Variants in TRAFD1 observed in about 807,000 individuals in gnomAD.
The protein encoded by TRAFD1 is TRAF-type zinc finger domain containing 1, also known as TRAF-type zinc finger domain-containing protein 1.
In TRAFD1, 38 loss-of-function variants were observed where a neutral mutation model predicts 65.3. That is an observed-to-expected ratio of 0.58 (90% CI 0.45 to 0.76). TRAFD1 has a LOEUF of 0.76. TRAFD1 is among the 30% of genes least tolerant of loss of function. The pLI is 0.00. For missense variants in TRAFD1, 631 were observed against 712.6 expected, an observed-to-expected ratio of 0.89 and a Z score of 1.30; for synonymous variants, 223 against 257.2, an observed-to-expected ratio of 0.87 and a Z score of 1.27.
At position 112,127,704 on chromosome 12, in the gene TRAFD1, C is replaced by T. The variant is rs145199282; in HGVS notation, c.-13+2086C>T. ...TTTTTGAGAGGGAGTCTCGCTCTGT[C>T]GCCCAGGCTGGAGTGCAGTGGCGTG... is the stretch of plus-strand genomic sequence containing the variant. On this transcript the variant is annotated intron_variant, in intron 1 of 11. Coordinates refer to ENST00000412615, the MANE Select transcript of TRAFD1 (RefSeq NM_006700.3). 9.7e-3 allele frequency among the ~76,000 whole-genome samples: 1,470 copies of T among 151,554 alleles called. 9 individuals are homozygous for T. Among genetic ancestry groups the T allele is most frequent in the Non-Finnish European group, 0.012 (846 of 67,936 alleles).
rs2030070987 is a variant in TRAFD1 at position 112,140,991 on chromosome 12, G to A, written c.410G>A (p.Arg137Lys). ...DLKTHPEVCGREGEEKRNEVA... is the reference protein window; with the variant it reads ...DLKTHPEVCGKEGEEKRNEVA... ...AAGACTCACCCTGAAGTTTGTGGGA[G>A]AGAGGGGGAGGAAAAGAGAAATGAG... The change falls in exon 5 of 12, where the codon AGA becomes AAA. Residue 137 changes from arginine (R) to lysine (K), a missense_variant. Coordinates refer to ENST00000412615, the MANE Select transcript of TRAFD1 (RefSeq NM_006700.3). 15 of 1,614,210 alleles carry A rather than the reference G, an allele frequency of 9.3e-6. No individual in the cohort carries two copies. The East Asian group carries it at 3.1e-4, about 34-fold the overall frequency.
chr12:112,148,235 G>A lies in TRAFD1; in HGVS notation c.1089G>A (p.Glu363=). 2 of 1,614,194 alleles carry A rather than the reference G, an allele frequency of 1.2e-6. No individual in the cohort carries two copies. Among genetic ancestry groups the A allele is most frequent in the Non-Finnish European group, 1.7e-6 (2 of 1,180,036 alleles). Residue 363 remains glutamate, a synonymous_variant, in exon 8 of 12, where the codon GAG becomes GAA. Coordinates refer to ENST00000412615, the MANE Select transcript of TRAFD1 (RefSeq NM_006700.3). ...GCCTGAGCAATTCACACCCTGTGGA[G>A]GAGAGCATCATTATCCCATGTGAAT... ...LMGLSNSHPV[E]ESIIIPCEFC... is the part of the protein sequence containing the mutation.
chr12:112,131,024 T>C (rs1296140575), intron 2 of TRAFD1, among the ~76,000 whole-genome samples: 1 of 152,244 alleles, frequency 6.6e-6, no homozygotes, highest in Admixed American at 6.5e-5. Context: ...ATTTTTGTCA[T>C]CATCGTTGTC....
intron 2 of TRAFD1, chr12:112,133,079 A>G (rs1229747411): frequency 2.0e-5 from 3 of 152,240 alleles, no homozygotes; most frequent in African/African-American, 7.2e-5. Context: ...TAATCTTTTC[A>G]TGTTTAAATG....
chr12:112,129,005 T>C, intron 1 of TRAFD1, among the ~76,000 whole-genome samples: 1 of 129,314 alleles, frequency 7.7e-6, no homozygotes. Context: ...CACTCCAGCC[T>C]AGACAGCAGA....
At chr12:112,134,682 G>A in intron 2 of TRAFD1, 56 bp from the exon 3 acceptor site, 1 of 1,579,624 alleles carries the variant, frequency 6.3e-7, no homozygotes, top group Non-Finnish European at 8.6e-7. Context: ...CACTGTGCAA[G>A]AAAAGGCATA....
At chr12:112,138,502 A>T (rs1032797032) in intron 4 of TRAFD1, among the ~76,000 whole-genome samples, 1 of 151,728 alleles carries the variant, frequency 6.6e-6, no homozygotes, top group Non-Finnish European at 1.5e-5. Context: ...GTGAGCCAAG[A>T]TCACACCACT....
chr12:112,145,338 AACT>A (rs779953701), intron 6 of TRAFD1, among the ~76,000 whole-genome samples: 16 of 152,176 alleles, frequency 1.1e-4, no homozygotes, highest in Non-Finnish European at 1.8e-4. Context: ...GTAGCAGGTA[AACT>A]ACTGCTATAC....
At chr12:112,139,245 G>C (rs1309409182) in intron 4 of TRAFD1, among the ~76,000 whole-genome samples, 1 of 151,956 alleles carries the variant, frequency 6.6e-6, no homozygotes, top group Non-Finnish European at 1.5e-5. Flanking sequence ...AGCTACTTGG[G>C]AGGCTGAGGT....
chr12:112,141,076 A>C lies in TRAFD1; in HGVS notation c.495A>C (p.Ala165=). The C allele has an allele frequency of 6.2e-7, 1 of 1,614,176 alleles. No individual in the cohort carries two copies. Among genetic ancestry groups the C allele is most frequent in the Non-Finnish European group, 8.5e-7 (1 of 1,180,014 alleles). Residue 165 remains alanine (A), a synonymous_variant, in exon 5 of 12, where the codon GCA becomes GCC. Transcript: ENST00000412615. ...ESWGQDGIWI[A]SQLLRQIEAL... ...GGGGTCAGGATGGAATCTGGATTGC[A>C]TCCCAACTCCTCAGACAAATTGAGG... is the stretch of plus-strand genomic sequence containing the variant.
chr12:112,152,573 G>A lies in TRAFD1; in HGVS notation c.1692+74G>A. On this transcript the variant is annotated intron_variant, in intron 11 of 11. Transcript: ENST00000412615. The surrounding 1 kb of genome is among the most constrained non-coding windows in gnomAD (Gnocchi z 5.0). ...TGGGGCTTGTGTGGCTCCTGAAGTTGTAGAAGTTGTTGGGACCAGGCTGGT... is the reference window on the plus strand; with the variant it reads ...TGGGGCTTGTGTGGCTCCTGAAGTTATAGAAGTTGTTGGGACCAGGCTGGT... The A allele has an allele frequency of 6.2e-7, 1 of 1,601,940 alleles. No homozygotes were observed. The highest frequency in any genetic ancestry group is 1.7e-5 in the Admixed American group (1 of 59,094).
Position 112,149,747 on chromosome 12 carries a change from T to C in TRAFD1, c.1159-4T>C, listed in dbSNP as rs2030349303. ...AGGTACTAATTCTGGTTTTTCTTGT[T>C]TAGGACCAGTGTGACCAACGCCCAG... On this transcript the variant is annotated splice_polypyrimidine_tract_variant and splice_region_variant and intron_variant, in intron 8 of 11. Transcript: ENST00000412615. 6.2e-7 allele frequency: 1 copy of C among 1,613,900 alleles called. No individual in the cohort carries two copies. The highest frequency in any genetic ancestry group is 1.3e-5 in the African/African-American group (1 of 74,908).
At chr12:112,144,935 C>T (rs898156651) in intron 6 of TRAFD1, among the ~76,000 whole-genome samples, 1 of 152,136 alleles carries the variant, frequency 6.6e-6, no homozygotes, top group Non-Finnish European at 1.5e-5. Context: ...GACTGTGACC[C>T]CAAACCTATG....
At chr12:112,149,973 C>G (rs1448161753) in intron 9 of TRAFD1, 102 bp downstream of exon 9, 1 of 1,500,720 alleles carries the variant, frequency 6.7e-7, no homozygotes, top group Non-Finnish European at 9.0e-7. Flanking sequence ...TTACCTGCAT[C>G]TCAAATTTCC....
In TRAFD1 at chr12:112,130,474, GA is replaced by G; in HGVS notation, c.-12-34del. The G allele has an allele frequency of 6.4e-7, 1 of 1,553,076 alleles. No homozygotes were observed. Among genetic ancestry groups the G allele is most frequent in the South Asian group, 1.1e-5 (1 of 87,902 alleles). On this transcript the variant is annotated intron_variant, in intron 1 of 11. Coordinates refer to ENST00000412615, the MANE Select transcript of TRAFD1 (RefSeq NM_006700.3). This position sits in a 1 kb window ranked among gnomAD's most constrained non-coding sequence, Gnocchi z 4.4. The stretch of plus-strand genomic sequence containing the variant: ...TGCATGTCATCTTTAAAGCAGAAAT[GA>G]AAGAGAAAGTTCATGTCTTCCTTTG...
intron 9 of TRAFD1, 140 bp downstream of exon 9, chr12:112,150,011 C>T (rs549488123): frequency 8.2e-6 from 10 of 1,224,576 alleles, no homozygotes; most frequent in African/African-American, 1.5e-5. Context: ...ATAGGGGACT[C>T]CTCTGCAGGT....
chr12:112,127,501 C>T lies in TRAFD1; in HGVS notation c.-13+1883C>T, dbSNP rs139535549. On this transcript the variant is annotated intron_variant, in intron 1 of 11. Coordinates refer to ENST00000412615, the MANE Select transcript of TRAFD1 (RefSeq NM_006700.3). ...TTGAGACAGGGTCTCACTCTGTCAC[C>T]CCGGCTGGAGTGCAGTGGTGTGATC... Among the ~76,000 whole-genome samples, 4 of 152,132 alleles carry T rather than the reference C, an allele frequency of 2.6e-5. No individual in the cohort carries two copies. The East Asian group carries it at 7.7e-4, about 29-fold the overall frequency.
rs757196413 is a variant in TRAFD1, at chr12:112,152,781, A to C, written c.1739A>C (p.Glu580Ala). The C allele has an allele frequency of 6.2e-7, 1 of 1,614,174 alleles. No individual in the cohort carries two copies. The highest frequency in any genetic ancestry group is 1.7e-5 in the Admixed American group (1 of 60,024). Residue 580 changes from glutamate (E) to alanine (A), a missense_variant, in exon 12 of 12, where the codon GAG becomes GCG. Coordinates refer to ENST00000412615, the MANE Select transcript of TRAFD1 (RefSeq NM_006700.3). The surrounding 1 kb of genome is among the most constrained non-coding windows in gnomAD (Gnocchi z 5.0). ...GGAGCTGGGGATGCAGAAGAGGAAGAGGAGGAGTAATGGTGTCTCCAGAGA... is the reference window on the plus strand; with the variant it reads ...GGAGCTGGGGATGCAGAAGAGGAAGCGGAGGAGTAATGGTGTCTCCAGAGA... ...QQGAGDAEEE[E>A]EE
intron 7 of TRAFD1, among the ~76,000 whole-genome samples, chr12:112,147,735 G>T (rs1231336965): frequency 6.6e-6 from 1 of 150,584 alleles, no homozygotes; most frequent in Non-Finnish European, 1.5e-5. Context: ...GCAGTGGTGC[G>T]ATCTCGGCTC....
Sources: gnomAD v4.1 joint callset for allele counts (sites outside exome capture counted in the v4.1 genomes callset) on GRCh38, gnomAD v4.1.1 for gene constraint, Gnocchi (gnomAD v3.1) non-coding constraint, MANE v1.5 for transcripts, NCBI Gene and HGNC (gene_info 2026-07-23, HGNC 2026-07-21) for gene names.